Variants in PRKG2 observed in about 807,000 individuals in gnomAD.
PRKG2 encodes the protein cGMP-dependent protein kinase 2.
In PRKG2, 33 loss-of-function variants were observed where a neutral mutation model predicts 97.2. The ratio of observed to expected loss-of-function variants is 0.34; its 90% CI spans 0.26 to 0.45. The LOEUF is 0.45. Among genes scored for constraint, PRKG2 ranks in the 20% least tolerant of loss-of-function variants. The pLI is 1.00. For missense variants in PRKG2, 638 were observed against 900.0 expected (o/e 0.71, Z 3.73); for synonymous variants, 330 against 321.8 (o/e 1.03, Z -0.27).
In PRKG2 at chr4:81,169,701, G is replaced by C. The variant is rs1270708005; in HGVS notation, c.810C>G (p.Ala270=). The change falls in exon 5 of 19, where the codon GCC becomes GCG. Residue 270 remains alanine (A), a synonymous_variant. Coordinates refer to ENST00000264399, the MANE Select transcript of PRKG2 (RefSeq NM_006259.3). ...TTCTGTATTGTTCATCTCTAGCTTG[G>C]GCTGTCCTCCTCATTATATTCTGGA... is the stretch of plus-strand genomic sequence containing the variant. ...EVFQNIMRRT[A]QARDEQYRNF... is the part of the protein sequence containing the mutation. 3 of 1,609,030 alleles carry C rather than the reference G, an allele frequency of 1.9e-6. No individual in the cohort carries two copies. The highest frequency in any genetic ancestry group is 2.5e-6 in the Non-Finnish European group (3 of 1,177,192).
chr4:81,205,249 T>C (rs113395013), intron 1 of PRKG2, among the ~76,000 whole-genome samples, 189 bp from the exon 2 acceptor site: 4 of 152,012 alleles, frequency 2.6e-5, no homozygotes, highest in African/African-American at 9.6e-5. Flanking sequence ...TTTCCCTCCA[T>C]GAAGAGGAGT....
intron 2 of PRKG2, among the ~76,000 whole-genome samples, chr4:81,183,913 C>G (rs1237644560): frequency 6.6e-6 from 1 of 152,176 alleles, no homozygotes; most frequent in Non-Finnish European, 1.5e-5. Context: ...CACAGCTCTG[C>G]AAAGATGCTG....
At chr4:81,160,523 A>C (rs1226049383) in intron 6 of PRKG2, among the ~76,000 whole-genome samples, 3 of 152,118 alleles carry the variant, frequency 2.0e-5, no homozygotes, top group African/African-American at 7.2e-5. Flanking sequence ...GAAAAAGAAC[A>C]AGTGATTATA....
At chr4:81,207,842 G>T (rs1753762542) in intron 1 of PRKG2, among the ~76,000 whole-genome samples, 1 of 152,100 alleles carries the variant, frequency 6.6e-6, no homozygotes, top group Non-Finnish European at 1.5e-5. Flanking sequence ...TTTAAATATT[G>T]CTGTCCCTGA....
intron 17 of PRKG2, among the ~76,000 whole-genome samples, chr4:81,103,480 AAATAT>A (rs1743022372): frequency 6.6e-6 from 1 of 152,162 alleles, no homozygotes; most frequent in African/African-American, 2.4e-5. Context: ...CCAAAAAGTA[AAATAT>A]AATATGAGGG....
At chr4:81,151,533 T>C (rs1292039971) in intron 8 of PRKG2, among the ~76,000 whole-genome samples, 1 of 152,080 alleles carries the variant, frequency 6.6e-6, no homozygotes, top group Non-Finnish European at 1.5e-5. Context: ...TGATAAAAAT[T>C]CTTAAGAAAA....
At chr4:81,157,603 C>A (rs1749218164) in intron 6 of PRKG2, among the ~76,000 whole-genome samples, 1 of 152,170 alleles carries the variant, frequency 6.6e-6, no homozygotes, top group African/African-American at 2.4e-5. Context: ...ATCCTGATAC[C>A]AAAGCCGGGC....
chr4:81,135,918 T>C (rs1305190272), intron 13 of PRKG2, among the ~76,000 whole-genome samples: 1 of 152,076 alleles, frequency 6.6e-6, no homozygotes, highest in Non-Finnish European at 1.5e-5. Context: ...GTTTGACTCC[T>C]GTTTCTTTCA....
intron 14 of PRKG2, among the ~76,000 whole-genome samples, chr4:81,124,011 A>T (rs11734476): frequency 0.19 from 28,902 of 152,054 alleles, 3,323 homozygotes; most frequent in East Asian, 0.45. Context: ...TAATTTTTTA[A>T]CATGGTAACA....
chr4:81,191,804 G>A (rs1752547209), intron 2 of PRKG2, among the ~76,000 whole-genome samples: 1 of 152,138 alleles, frequency 6.6e-6, no homozygotes, highest in African/African-American at 2.4e-5. Context: ...AAAATGTCCA[G>A]CAGAATGGCC....
chr4:81,200,117 C>T (rs373054498), intron 2 of PRKG2, among the ~76,000 whole-genome samples: 2 of 152,198 alleles, frequency 1.3e-5, no homozygotes, highest in Admixed American at 6.5e-5. Context: ...ACAATATCTA[C>T]ATAAACAGAA....
rs559775105 is a variant in PRKG2 at position 81,164,413 on chromosome 4, T to A, written c.912+2748A>T. Among the ~76,000 whole-genome samples the A allele has an allele frequency of 1.6e-4, 24 of 152,100 alleles. No individual in the cohort carries two copies. The South Asian group carries it at 4.4e-3, about 28-fold the overall frequency. ...TAGCGAAATCTACAATTATTTCAAC[T>A]TTCTTATGGCTCTGGATTTAACCGT... On this transcript the variant is annotated intron_variant, in intron 6 of 18. Transcript: ENST00000264399.
intron 8 of PRKG2, among the ~76,000 whole-genome samples, chr4:81,151,581 T>C (rs1748405099): frequency 6.6e-6 from 1 of 152,096 alleles, no homozygotes; most frequent in African/African-American, 2.4e-5. Flanking sequence ...ACACAAAATA[T>C]ATAAAATTAT....
intron 2 of PRKG2, among the ~76,000 whole-genome samples, chr4:81,197,690 G>C (rs1753046482): frequency 6.6e-6 from 1 of 151,834 alleles, no homozygotes; most frequent in African/African-American, 2.4e-5. Flanking sequence ...TACCAAATAA[G>C]ATACTCAAAA....
chr4:81,089,471 T>A lies in PRKG2; in HGVS notation c.*237A>T, dbSNP rs1327048521. 1.3e-5 allele frequency: 5 copies of A among 385,630 alleles called. No homozygotes were observed. Among genetic ancestry groups the A allele is most frequent in the Non-Finnish European group, 2.3e-5 (5 of 217,952 alleles). The allele number at this position is 385,630 out of a possible 1,614,324, so 23.9% of individuals were successfully genotyped here. On this transcript the variant is annotated 3_prime_UTR_variant, in exon 19 of 19. Transcript: ENST00000264399. ...TTGTGGAAAGGAAAATGGGGTAGCC[T>A]CTAGCAGTTGAGAAAAGCAAATAAT...
intron 14 of PRKG2, among the ~76,000 whole-genome samples, chr4:81,129,601 C>CT (rs1441063391): frequency 6.6e-6 from 1 of 152,022 alleles, no homozygotes; most frequent in Non-Finnish European, 1.5e-5. Context: ...CCTTCTTTGT[C>CT]TTTTTTTATC....
chr4:81,158,192 G>A (rs1245666217), intron 6 of PRKG2, among the ~76,000 whole-genome samples: 6 of 146,968 alleles, frequency 4.1e-5, no homozygotes, highest in Non-Finnish European at 5.9e-5. Context: ...CATTGTCTCA[G>A]CCCAAAATCT....
chr4:81,139,781 C>CAAAAAAAAAAAA (rs548249378), intron 12 of PRKG2, among the ~76,000 whole-genome samples: 1 of 75,330 alleles, frequency 1.3e-5, no homozygotes, highest in African/African-American at 4.0e-5. Flanking sequence ...TCTCAAAAGA[C>CAAAAAAAAAAAA]AAAAAAAAAA....
intron 2 of PRKG2, among the ~76,000 whole-genome samples, chr4:81,200,161 T>A (rs568825819): frequency 1.3e-5 from 2 of 152,334 alleles, no homozygotes; most frequent in African/African-American, 4.8e-5. Context: ...AGGTCTGACA[T>A]CTGAATGCAT....
Sources: gnomAD v4.1 joint callset for allele counts (sites outside exome capture counted in the v4.1 genomes callset) on GRCh38, gnomAD v4.1.1 for gene constraint, MANE v1.5 for transcripts, NCBI Gene and HGNC (gene_info 2026-07-23, HGNC 2026-07-21) for gene names.